The following ZNF577 variants were observed in gnomAD, a reference collection of about 807,000 sequenced individuals.
The protein encoded by ZNF577 is zinc finger protein 577.
Under a neutral mutation model 13.9 loss-of-function variants are expected in ZNF577, and 14 were observed. The ratio of observed to expected loss-of-function variants is 1.00; its 90% CI spans 0.66 to 1.57. The LOEUF is 1.57. Ranked by LOEUF, ZNF577 falls within the 40% of genes most tolerant of loss-of-function variation. The pLI, the probability that ZNF577 is intolerant of heterozygous loss-of-function variation, is 0.00. For synonymous variants in ZNF577, 203 were observed against 202.9 expected, an observed-to-expected ratio of 1.00 and a Z score of 0.00; for missense variants, 555 against 579.2, an observed-to-expected ratio of 0.96 and a Z score of 0.43.
intron 9 of ZNF577, among the ~76,000 whole-genome samples, chr19:51,838,927 G>A (rs954426807): frequency 3.3e-5 from 5 of 151,862 alleles, no homozygotes; most frequent in African/African-American, 1.2e-4. Flanking sequence ...ATAGGAAAAC[G>A]AACTATATGA....
At chr19:51,863,553 T>C (rs1399356882), downstream of ZNF577, among the ~76,000 whole-genome samples, 1 of 152,222 alleles carries the variant, frequency 6.6e-6, no homozygotes, top group African/African-American at 2.4e-5. Flanking sequence ...AAACCATATG[T>C]ACCTGTGTGT....
intron 9 of ZNF577, among the ~76,000 whole-genome samples, chr19:51,834,953 G>A: frequency 6.6e-6 from 1 of 152,178 alleles, no homozygotes; most frequent in East Asian, 1.9e-4. Context: ...CCTTACAGGG[G>A]AATTTTTACC....
chr19:51,819,599 G>A (rs928400256), intron 9 of ZNF577, among the ~76,000 whole-genome samples: 3 of 152,186 alleles, frequency 2.0e-5, no homozygotes, highest in African/African-American at 7.2e-5. Flanking sequence ...TTGGCAGTCT[G>A]GAGGTCATGT....
rs1230212140 is a variant in ZNF577 at position 51,867,084 on chromosome 19, TCA to T, written c.*5446_*5447del. Reference sequence around the variant, plus strand: ...TTCTTACATATTTATTCACCTGTATTCACACTTAAGGCACTCTGTATGAAGCT... The same window carrying T: ...TTCTTACATATTTATTCACCTGTATTCACTTAAGGCACTCTGTATGAAGCT... On this transcript the variant is annotated 3_prime_UTR_variant, in exon 6 of 6. Transcript: ENST00000638348. Among the ~76,000 whole-genome samples the T allele has an allele frequency of 3.3e-5, 5 of 152,204 alleles. No individual in the cohort carries two copies.
chr19:51,857,394 G>GAAAGAA (rs1568442173), intron 5 of ZNF577, among the ~76,000 whole-genome samples: 1 of 119,294 alleles, frequency 8.4e-6, no homozygotes, highest in African/African-American at 3.9e-5. Context: ...AAGAAAGAAA[G>GAAAGAA]AAAGAAAGAA....
chr19:51,875,716 T>G (rs922130235), intron 5 of ZNF577, among the ~76,000 whole-genome samples: 2 of 152,228 alleles, frequency 1.3e-5, no homozygotes, highest in African/African-American at 4.8e-5. Flanking sequence ...TCACTCCTCA[T>G]GTCTTCTCAT....
In ZNF577 at chr19:51,869,002, G is replaced by A. The variant is rs1042878028; in HGVS notation, c.*3530C>T. Among the ~76,000 whole-genome samples, 3 of 152,076 alleles carry A rather than the reference G, an allele frequency of 2.0e-5. No individual in the cohort carries two copies. Among genetic ancestry groups the A allele is most frequent in the South Asian group, 2.1e-4 (1 of 4,822 alleles). ...AGTACCCAGGGACACAATGCACTGCGGAAGGCCGCAGGGACCTCTGCCCAA... is the reference window on the plus strand; with the variant it reads ...AGTACCCAGGGACACAATGCACTGCAGAAGGCCGCAGGGACCTCTGCCCAA... On this transcript the variant is annotated 3_prime_UTR_variant, in exon 6 of 6. Transcript: ENST00000638348.
chr19:51,814,954 C>T (rs1246438884), intron 9 of ZNF577, among the ~76,000 whole-genome samples: 2 of 152,050 alleles, frequency 1.3e-5, no homozygotes, highest in Admixed American at 6.5e-5. Context: ...GGACTACAGC[C>T]GCCTGCCACC....
rs2084644979 is a variant in ZNF577 at position 51,870,674 on chromosome 19, G to A, written c.*1858C>T. On this transcript the variant is annotated 3_prime_UTR_variant, in exon 6 of 6. Transcript: ENST00000638348. ...AAAGGCTTGTGGGGGAAACTCTACA[G>A]AACTCTCAATTCTTGAGTGCAGCTC... 6.6e-6 allele frequency among the ~76,000 whole-genome samples: 1 copy of A among 152,138 alleles called. No individual in the cohort carries two copies. The highest frequency in any genetic ancestry group is 2.4e-5 in the African/African-American group (1 of 41,418).
chr19:51,843,035 T>G (rs2084329385), intron 7 of ZNF577: 1 of 152,258 alleles, frequency 6.6e-6, no homozygotes, highest in South Asian at 2.1e-4. Flanking sequence ...GAAAGTGAAA[T>G]TACATATGGT....
intron 3 of ZNF577, chr19:51,878,952 C>T (rs1311699762): frequency 6.4e-6 from 1 of 156,050 alleles, no homozygotes; most frequent in African/African-American, 2.4e-5. Flanking sequence ...TGATCTAAGA[C>T]ATATTTTAAA....
At chr19:51,841,056 C>T (rs2084317508) in intron 8 of ZNF577, 1 of 152,084 alleles carries the variant, frequency 6.6e-6, no homozygotes, top group African/African-American at 2.4e-5. Context: ...TTTTGGAAGC[C>T]CCCCACCATT....
intron 1 of ZNF577, among the ~76,000 whole-genome samples, 186 bp from the exon 2 acceptor site, chr19:51,881,063 C>T (rs1031852714): frequency 1.5e-4 from 22 of 151,418 alleles, no homozygotes; most frequent in African/African-American, 4.6e-4. Flanking sequence ...AGAGGAATGC[C>T]TTTTTTTTTG....
intron 9 of ZNF577, among the ~76,000 whole-genome samples, chr19:51,820,654 T>C (rs1393938072): frequency 6.6e-6 from 1 of 152,208 alleles, no homozygotes; most frequent in Admixed American, 6.5e-5. Flanking sequence ...TGGAGAGTGG[T>C]AGAGAAAATC....
intron 5 of ZNF577, among the ~76,000 whole-genome samples, chr19:51,855,079 A>C (rs2084404204): frequency 6.6e-6 from 1 of 152,192 alleles, no homozygotes; most frequent in African/African-American, 2.4e-5. Context: ...TTCAGTTGAC[A>C]ACCTCATTTC....
rs1347032699 is a variant in ZNF577, at chr19:51,873,133, G to C, written c.857C>G (p.Thr286Ser). 1.2e-6 allele frequency: 2 copies of C among 1,614,080 alleles called. No individual in the cohort carries two copies. The highest frequency in any genetic ancestry group is 4.5e-5 in the East Asian group (2 of 44,898). ...TCCTGTGTGAAGTCTCTGGTGTGCA[G>C]TGAGGTATGCCTTCTGAGAAAAGGC... ...GKAFSQKAYLTAHQRLHTGDK... is the reference protein window; with the variant it reads ...GKAFSQKAYLSAHQRLHTGDK... Residue 286 changes from threonine to serine, a missense_variant, in exon 6 of 6, where the codon ACT becomes AGT. Thr to Ser is a moderately conservative substitution (Grantham distance 58, BLOSUM62 1). Transcript: ENST00000638348.
chr19:51,805,702 G>T (rs1417801536), intron 10 of ZNF577, among the ~76,000 whole-genome samples: 3 of 152,140 alleles, frequency 2.0e-5, no homozygotes, highest in Non-Finnish European at 4.4e-5. Flanking sequence ...TTGGCTGTAC[G>T]TGTCCAATTC....
At chr19:51,875,946 A>C (rs1271899581) in intron 5 of ZNF577, among the ~76,000 whole-genome samples, 1 of 152,260 alleles carries the variant, frequency 6.6e-6, no homozygotes. Flanking sequence ...GAACAGAGTA[A>C]ACCGAGAAGA....
At chr19:51,850,087 G>T (rs1442380581) in intron 5 of ZNF577, among the ~76,000 whole-genome samples, 1 of 152,214 alleles carries the variant, frequency 6.6e-6, no homozygotes, top group Non-Finnish European at 1.5e-5. Context: ...CAGAAGGAGG[G>T]ATTTTTGGGC....
Sources: allele counts gnomAD v4.1 joint callset (sites outside exome capture counted in the v4.1 genomes callset), GRCh38; gene constraint gnomAD v4.1.1; transcripts MANE v1.5; gene names NCBI Gene and HGNC (gene_info 2026-07-23, HGNC 2026-07-21).